Variants in COL17A1 observed in about 807,000 individuals in gnomAD.
COL17A1 encodes collagen alpha-1(XVII) chain.
In COL17A1, 181 loss-of-function variants were observed where a neutral mutation model predicts 218.4. The ratio of observed to expected loss-of-function variants is 0.83; its 90% CI spans 0.73 to 0.94. The LOEUF (loss-of-function observed/expected upper bound fraction) is 0.94. COL17A1 is among the 40% of genes least tolerant of loss of function. The pLI is 0.00. For synonymous variants in COL17A1, 721 were observed against 731.0 expected (o/e 0.99, Z 0.22); for missense variants, 1,924 against 1,945.9 (o/e 0.99, Z 0.21).
chr10:104,058,241 G>T (rs760875143), intron 15 of COL17A1, 51 bp from the exon 16 acceptor site: 1 of 1,609,504 alleles, frequency 6.2e-7, no homozygotes, highest in Non-Finnish European at 8.5e-7. Context: ...GGAGCTAGCT[G>T]CTCTGCCTAT....
intron 16 of COL17A1, among the ~76,000 whole-genome samples, 194 bp downstream of exon 16, chr10:104,057,952 G>C (rs984766746): frequency 1.3e-5 from 2 of 152,118 alleles, no homozygotes; most frequent in Non-Finnish European, 2.9e-5. Context: ...CTCCTTCTGC[G>C]GCCACCTCTG....
At chr10:104,050,524 G>A (rs2086458243) in intron 27 of COL17A1, 97 bp downstream of exon 27, 1 of 1,599,498 alleles carries the variant, frequency 6.3e-7, no homozygotes, top group East Asian at 2.2e-5. Context: ...CTTGGTCCAG[G>A]TCCTGTGCAC....
Position 104,032,066 on chromosome 10 carries a change from A to G in COL17A1, c.*169T>C, listed in dbSNP as rs528554217. 3.9e-4 allele frequency: 251 copies of G among 645,212 alleles called. 5 individuals carry two copies. In the South Asian group the frequency reaches 4.2e-3, roughly 11 times the overall value. The allele number at this position is 645,212 out of a possible 1,614,324, so 40.0% of individuals were successfully genotyped here. On this transcript the variant is annotated 3_prime_UTR_variant, in exon 56 of 56. Transcript: ENST00000648076. ...TTTCAGATTGTGTATCTTTGACTGA[A>G]TTCTATAAGTATATATTGTTCAGAC...
At chr10:104,048,009 G>A in intron 30 of COL17A1, 60 bp downstream of exon 30, 1 of 1,596,298 alleles carries the variant, frequency 6.3e-7, no homozygotes, top group Non-Finnish European at 8.6e-7. Flanking sequence ...ACTGAGGGCT[G>A]CATGCTGGAA....
intron 1 of COL17A1, among the ~76,000 whole-genome samples, chr10:104,081,774 A>C (rs765434226): frequency 5.9e-5 from 9 of 152,190 alleles, no homozygotes; most frequent in Non-Finnish European, 1.0e-4. Context: ...CGACTTACCC[A>C]GTAGGCAAAG....
Position 104,038,505 on chromosome 10 carries a change from C to T in COL17A1, c.2971G>A (p.Val991Met), listed in dbSNP as rs138824013. ...SEGGSSSTMY[V>M]SGPPGPPGPP... ...CCAGGGGGCCCTGGCGGGCCTGACA[C>T]GTACATGGTACTTGATGATCCCCCT... Residue 991 changes from valine to methionine, a missense_variant, in exon 45 of 56, where the codon GTG becomes ATG. By Grantham distance (21) the Val-to-Met change is conservative. Coordinates refer to ENST00000648076, the MANE Select transcript of COL17A1 (RefSeq NM_000494.4). 926 of 1,613,312 alleles carry T rather than the reference C, an allele frequency of 5.7e-4. 13 individuals carry two copies. The highest frequency in any genetic ancestry group is 1.8e-4 in the Admixed American group (11 of 60,002).
intron 8 of COL17A1, among the ~76,000 whole-genome samples, chr10:104,071,693 G>C (rs940777451): frequency 1.3e-5 from 2 of 151,944 alleles, no homozygotes; most frequent in African/African-American, 4.8e-5. Context: ...ACCTACCCCG[G>C]GAAGTCTTCT....
chr10:104,073,927 G>A (rs1260696028), intron 6 of COL17A1: 3 of 476,162 alleles, frequency 6.3e-6, no homozygotes, highest in South Asian at 4.2e-5. Flanking sequence ...ATCCATCCAA[G>A]CCTGAGCCTT....
intron 31 of COL17A1, 111 bp from the exon 32 acceptor site, chr10:104,046,884 T>C (rs546124430): frequency 2.0e-6 from 2 of 981,132 alleles, no homozygotes; most frequent in African/African-American, 1.6e-5. Flanking sequence ...GGTCAGTGGG[T>C]ACAGAAGGAC....
Position 104,035,909 on chromosome 10 carries a change from G to GA in COL17A1, c.3419-347_3419-346insT, listed in dbSNP as rs2086280338. On this transcript the variant is annotated intron_variant, in intron 48 of 55. Coordinates refer to ENST00000648076, the MANE Select transcript of COL17A1 (RefSeq NM_000494.4). ...TGGAGTGTATGGGAGCGTGTGTATG[G>GA]GAGTGTGTATGAGTGTGTGTGTATG... Among the ~76,000 whole-genome samples the GA allele has an allele frequency of 3.0e-4, 5 of 16,514 alleles. 1 individual carries two copies. Among genetic ancestry groups the GA allele is most frequent in the Non-Finnish European group, 9.4e-4 (5 of 5,342 alleles). The allele number at this position is 16,514 out of a possible 152,430, so 10.8% of individuals were successfully genotyped here.
In COL17A1 at chr10:104,032,702, T is replaced by C. The variant is rs765490726; in HGVS notation, c.4410A>G (p.Arg1470=). Residue 1470 remains arginine, a synonymous_variant, in exon 55 of 56, where the codon CGA becomes CGG. Transcript: ENST00000648076. ...PPGHPGPPGP[R]GHKGEKGDKG... ...TGTCTCCTTTTTCTCCCTTGTGTCC[T>C]CGAGGGCCAGGTGGCCCAGGATGAC... The C allele has an allele frequency of 2.5e-6, 4 of 1,614,044 alleles. No individual in the cohort carries two copies. The highest frequency in any genetic ancestry group is 3.4e-6 in the Non-Finnish European group (4 of 1,180,010).
intron 15 of COL17A1, among the ~76,000 whole-genome samples, chr10:104,058,760 C>A (rs553752949): frequency 3.3e-5 from 5 of 152,032 alleles, no homozygotes; most frequent in Admixed American, 6.5e-5. Flanking sequence ...GGTGAAACCC[C>A]GTCTGTACTA....
chr10:104,035,333 CG>C lies in COL17A1; in HGVS notation c.3548del (p.Pro1183ArgfsTer68). On this transcript the variant is annotated frameshift_variant, in exon 50 of 56. Transcript: ENST00000648076. LOFTEE classifies it high-confidence loss of function. ...FRGIVGPPGP[P>X]GPPGIPGNVW... ...CATTGCCTGGGATCCCTGGTGGACCCGGGGGACCTGGGGGTCCAACGATGCC... is the reference window on the plus strand; with the variant it reads ...CATTGCCTGGGATCCCTGGTGGACCCGGGGACCTGGGGGTCCAACGATGCC... 1.2e-6 allele frequency: 2 copies of C among 1,614,186 alleles called. No homozygotes were observed. Among genetic ancestry groups the C allele is most frequent in the Non-Finnish European group, 1.7e-6 (2 of 1,180,022 alleles).
At chr10:104,046,700 C>T in intron 32 of COL17A1, 47 bp downstream of exon 32, 1 of 1,606,908 alleles carries the variant, frequency 6.2e-7, no homozygotes, top group Non-Finnish European at 8.5e-7. Context: ...AGCAGTTACC[C>T]CAGGAGAAGG....
In COL17A1 at chr10:104,034,661, G is replaced by A. The variant is rs2086257215; in HGVS notation, c.3726C>T (p.Asn1242=). 2 of 1,610,402 alleles carry A rather than the reference G, an allele frequency of 1.2e-6. No individual in the cohort carries two copies. The highest frequency in any genetic ancestry group is 1.7e-6 in the Non-Finnish European group (2 of 1,178,674). ...SGALATYAAE[N]SDSFRSELIS... ...TCAGCTCGCTCCGGAAGCTGTCGCT[G>A]TTTTCAGCTGCATAGGTTGCCAGGG... is the stretch of plus-strand genomic sequence containing the variant. The change falls in exon 51 of 56, where the codon AAC becomes AAT. Residue 1242 remains asparagine, a synonymous_variant. Coordinates refer to ENST00000648076, the MANE Select transcript of COL17A1 (RefSeq NM_000494.4).
chr10:104,084,435 A>G lies in COL17A1; in HGVS notation c.-12+1288T>C, dbSNP rs540311916. Among the ~76,000 whole-genome samples, 16 of 151,794 alleles carry G rather than the reference A, an allele frequency of 1.1e-4. No homozygotes were observed. The East Asian group carries it at 1.2e-3, about 11-fold the overall frequency. On this transcript the variant is annotated intron_variant, in intron 1 of 55. Coordinates refer to ENST00000648076, the MANE Select transcript of COL17A1 (RefSeq NM_000494.4). ...AGCAATTCTCCTGCCTCAGCCTCAC[A>G]AGTAGCTGGGGTTACAGGCATGCAC...
At chr10:104,065,996 G>A (rs953965162) in intron 9 of COL17A1, among the ~76,000 whole-genome samples, 2 of 152,160 alleles carry the variant, frequency 1.3e-5, no homozygotes, top group Non-Finnish European at 2.9e-5. Context: ...GATAGCTAAT[G>A]CCTGCTTGTT....
Position 104,032,092 on chromosome 10 carries a change from T to TAAAAC in COL17A1, c.*138_*142dup. The TAAAAC allele has an allele frequency of 2.8e-6, 2 of 703,916 alleles. No individual in the cohort carries two copies. Among genetic ancestry groups the TAAAAC allele is most frequent in the Non-Finnish European group, 5.2e-6 (2 of 387,534 alleles). The allele number at this position is 703,916 out of a possible 1,614,324, so 43.6% of individuals were successfully genotyped here. On this transcript the variant is annotated 3_prime_UTR_variant, in exon 56 of 56. Coordinates refer to ENST00000648076, the MANE Select transcript of COL17A1 (RefSeq NM_000494.4). ...TTCTATAAGTATATATTGTTCAGAC[T>TAAAAC]AAAACAAATGTTGCTAGCTAGGTTG...
intron 24 of COL17A1, 144 bp downstream of exon 24, chr10:104,052,011 C>G (rs1046625047): frequency 2.7e-6 from 3 of 1,112,990 alleles, no homozygotes; most frequent in Middle Eastern, 2.0e-4. Context: ...GGGGGATGCT[C>G]TTTGGACCCA....
Sources: allele counts gnomAD v4.1 joint callset (sites outside exome capture counted in the v4.1 genomes callset), GRCh38; gene constraint gnomAD v4.1.1; transcripts MANE v1.5; gene names NCBI Gene and HGNC (gene_info 2026-07-23, HGNC 2026-07-21).